The following PCLO variants were observed in gnomAD, a reference collection of about 807,000 sequenced individuals.
The protein encoded by PCLO is piccolo presynaptic cytomatrix protein, also known as protein piccolo.
A neutral mutation model predicts 427.5 loss-of-function variants in PCLO; 82 were observed. That is an observed-to-expected ratio of 0.19 (90% CI 0.16 to 0.23). The LOEUF is 0.23. Among genes scored for constraint, PCLO ranks in the 10% least tolerant of loss-of-function variants. The pLI, the probability that PCLO is intolerant of heterozygous loss-of-function variation, is 1.00. For missense variants in PCLO, 6,239 were observed against 6,115.9 expected, an observed-to-expected ratio of 1.02 and a Z score of -0.67; for synonymous variants, 2,357 against 2,155.4, an observed-to-expected ratio of 1.09 and a Z score of -2.59.
In PCLO at chr7:83,155,681, T is replaced by C. The variant is rs753747467; in HGVS notation, c.960A>G (p.Gly320=). Residue 320 remains glycine, a synonymous_variant, in exon 2 of 25, where the codon GGA becomes GGG. Coordinates refer to ENST00000333891, the MANE Select transcript of PCLO (RefSeq NM_033026.6). ...CAGGCCCAGGCTGTGATTTTTCATG[T>C]CCAGGCTGCTGTGCTGGAGGTTTTC... The part of the protein sequence containing the change: ...TPGKPPAQQP[G]HEKSQPGPAK... 1.2e-6 allele frequency: 2 copies of C among 1,613,948 alleles called. No homozygotes were observed. The highest frequency in any genetic ancestry group is 1.7e-6 in the Non-Finnish European group (2 of 1,179,894).
intron 20 of PCLO, among the ~76,000 whole-genome samples, chr7:82,808,834 G>A (rs886434455): frequency 6.6e-6 from 1 of 151,872 alleles, no homozygotes; most frequent in African/African-American, 2.4e-5. Flanking sequence ...TCTAAGTGTA[G>A]TGCAGAGATA....
chr7:82,927,090 T>C (rs1314169619), intron 6 of PCLO, among the ~76,000 whole-genome samples: 1 of 152,150 alleles, frequency 6.6e-6, no homozygotes, highest in Non-Finnish European at 1.5e-5. Context: ...ATCACACATA[T>C]AAAGAGTTCA....
chr7:82,764,701 A>G (rs1484475806), intron 22 of PCLO, among the ~76,000 whole-genome samples: 1 of 151,904 alleles, frequency 6.6e-6, no homozygotes, highest in Non-Finnish European at 1.5e-5. Flanking sequence ...TAAGACAAAG[A>G]AAGACACTGT....
chr7:83,126,103 T>C (rs1219600700), intron 3 of PCLO, among the ~76,000 whole-genome samples: 1 of 152,154 alleles, frequency 6.6e-6, no homozygotes, highest in Non-Finnish European at 1.5e-5. Flanking sequence ...TGGAAGACAT[T>C]AAGCAAAATA....
intron 3 of PCLO, among the ~76,000 whole-genome samples, chr7:82,992,700 G>A (rs1267495331): frequency 2.6e-5 from 4 of 151,822 alleles, no homozygotes; most frequent in African/African-American, 7.3e-5. Context: ...CATGGCACAC[G>A]TCTACCTATG....
chr7:83,046,736 C>T (rs1423246461), intron 3 of PCLO, among the ~76,000 whole-genome samples: 1 of 151,960 alleles, frequency 6.6e-6, no homozygotes, highest in Non-Finnish European at 1.5e-5. Flanking sequence ...AGGCCCCAAA[C>T]ATAAATGGGT....
intron 3 of PCLO, among the ~76,000 whole-genome samples, chr7:82,995,925 T>C (rs915480649): frequency 6.6e-6 from 1 of 151,932 alleles, no homozygotes; most frequent in African/African-American, 2.4e-5. Flanking sequence ...AAGAATCCAA[T>C]AAAGGAGAAT....
rs1384776661 is a variant in PCLO at position 82,916,332 on chromosome 7, T to A, written c.11654A>T (p.Tyr3885Phe). ...ESQLVPPTSP[Y>F]TQYQYSSPAL... ...AGGGGAAGAGTACTGGTATTGTGTG[T>A]AAGGACTTGTCGGAGGAACTAGTTG... The change falls in exon 7 of 25, where the codon TAC becomes TTC. Residue 3885 changes from tyrosine to phenylalanine, a missense_variant. Coordinates refer to ENST00000333891, the MANE Select transcript of PCLO (RefSeq NM_033026.6). 4 of 1,613,584 alleles carry A rather than the reference T, an allele frequency of 2.5e-6. No individual in the cohort carries two copies. The African/African-American group carries it at 5.3e-5, about 22-fold the overall frequency.
intron 6 of PCLO, among the ~76,000 whole-genome samples, chr7:82,928,750 T>A (rs1208699839): frequency 6.6e-6 from 1 of 152,074 alleles, no homozygotes; most frequent in East Asian, 1.9e-4. Context: ...CGAGAAGCTA[T>A]GGGAAGCACA....
At chr7:82,794,795 C>T (rs1284110902) in intron 22 of PCLO, among the ~76,000 whole-genome samples, 4 of 151,770 alleles carry the variant, frequency 2.6e-5, no homozygotes, top group African/African-American at 4.8e-5. Context: ...AATTTTTGAC[C>T]TTGTTTGTTC....
intron 10 of PCLO, among the ~76,000 whole-genome samples, chr7:82,866,767 G>A (rs1224885229): frequency 1.3e-5 from 2 of 151,086 alleles, no homozygotes; most frequent in Non-Finnish European, 2.9e-5. Context: ...TTTCCACTTC[G>A]GCACTTATCA....
intron 22 of PCLO, among the ~76,000 whole-genome samples, chr7:82,783,670 T>G (rs917595374): frequency 3.9e-5 from 6 of 152,158 alleles, no homozygotes; most frequent in Admixed American, 2.6e-4. Context: ...AATGAAAAAT[T>G]TAATGAATGT....
rs150397734 is a variant in PCLO at position 82,760,744 on chromosome 7, T to A, written c.15183A>T (p.Gln5061His). 2 of 1,539,076 alleles carry A rather than the reference T, an allele frequency of 1.3e-6. No individual in the cohort carries two copies. The highest frequency in any genetic ancestry group is 1.4e-5 in the African/African-American group (1 of 73,100). The stretch of plus-strand genomic sequence containing the variant: ...TTGTTTTTTTCTTGATCACCTTTTT[T>A]TGGGTAGAAATATTCATCACATATA... ...VKIYVMNIST[Q>H]KKVIKKKTRV... The change falls in exon 24 of 25, where the codon CAA becomes CAT. Residue 5061 changes from glutamine (Q) to histidine (H), a missense_variant. Physicochemically the swap from Gln to His is conservative, Grantham distance 24 (BLOSUM62 0). Transcript: ENST00000333891.
In PCLO at chr7:82,757,256, G is replaced by C. The variant is rs1262172948; in HGVS notation, c.*1319C>G. Reference sequence around the variant, plus strand: ...TCACGTTACTTCCTTAATTAATAATGCTGATAGAGAAGAGGGTGCTTCATT... The same window carrying C: ...TCACGTTACTTCCTTAATTAATAATCCTGATAGAGAAGAGGGTGCTTCATT... On this transcript the variant is annotated 3_prime_UTR_variant, in exon 25 of 25. Coordinates refer to ENST00000333891, the MANE Select transcript of PCLO (RefSeq NM_033026.6). 6.6e-6 allele frequency: 1 copy of C among 152,012 alleles called. No homozygotes were observed. The highest frequency in any genetic ancestry group is 1.5e-5 in the Non-Finnish European group (1 of 67,938). 9.4% of individuals were successfully genotyped at this position (152,012 alleles called of 1,614,324 possible). A position where few individuals can be genotyped will look rare whatever the true frequency, so the allele number is the denominator to read the frequency against.
At chr7:82,959,894 T>C (rs1795617996) in intron 4 of PCLO, among the ~76,000 whole-genome samples, 1 of 152,158 alleles carries the variant, frequency 6.6e-6, no homozygotes, top group Non-Finnish European at 1.5e-5. Flanking sequence ...CCCCCTGCCA[T>C]TTATTGAGCT....
chr7:83,121,733 A>G (rs948239746), intron 3 of PCLO, among the ~76,000 whole-genome samples: 1 of 152,204 alleles, frequency 6.6e-6, no homozygotes, highest in African/African-American at 2.4e-5. Context: ...ATACTTAGAC[A>G]AATGTTATAG....
chr7:83,088,987 A>G (rs748518435), intron 3 of PCLO, among the ~76,000 whole-genome samples: 3 of 152,160 alleles, frequency 2.0e-5, no homozygotes, highest in African/African-American at 4.8e-5. Context: ...CTGTATTATG[A>G]TTTGTAAGTC....
rs770495441 is a variant in PCLO at position 82,761,392 on chromosome 7, T to C, written c.15109A>G (p.Thr5037Ala). The C allele has an allele frequency of 1.3e-6, 2 of 1,524,536 alleles. No individual in the cohort carries two copies. Among genetic ancestry groups the C allele is most frequent in the Non-Finnish European group, 1.8e-6 (2 of 1,111,660 alleles). 94.4% of individuals were successfully genotyped at this position (1,524,536 alleles called of 1,614,324 possible). The change falls in exon 23 of 25, where the codon ACA becomes GCA. Residue 5037 changes from threonine (T) to alanine (A), a missense_variant. This residue lies in a region of PCLO where 877 missense variants were observed against 925.5 expected (regional missense o/e 0.95). Coordinates refer to ENST00000333891, the MANE Select transcript of PCLO (RefSeq NM_033026.6). ...TGATCAGGAGACTTAAATTTGTATG[T>C]AATATTTCTGCATTGGAGAATTTCA... ...IVEILQCRNI[T>A]YKFKSPDHLP...
intron 2 of PCLO, among the ~76,000 whole-genome samples, chr7:83,140,218 T>C (rs1310621133): frequency 1.3e-5 from 2 of 152,194 alleles, no homozygotes; most frequent in Non-Finnish European, 2.9e-5. Flanking sequence ...GGATTGCTTG[T>C]GAAATGTTCT....
Sources: gnomAD v4.1 joint callset for allele counts (sites outside exome capture counted in the v4.1 genomes callset) on GRCh38, gnomAD v4.1.1 for gene constraint, gnomAD v4.1.1 regional missense constraint, MANE v1.5 for transcripts, NCBI Gene and HGNC (gene_info 2026-07-23, HGNC 2026-07-21) for gene names.